The following CAPN10 variants were observed in gnomAD, a reference collection of about 807,000 sequenced individuals.
CAPN10 encodes calpain 10, also known as calpain-10.
In CAPN10, 71 loss-of-function variants were observed where a neutral mutation model predicts 78.4. That is an observed-to-expected ratio of 0.91 (90% confidence interval 0.75 to 1.10). CAPN10 has a LOEUF of 1.10. Ranked by LOEUF, CAPN10 falls within the 50% of genes least tolerant of loss-of-function variation. CAPN10 has a pLI of 0.00. For missense variants in CAPN10, 849 were observed against 924.6 expected (o/e 0.92, Z 1.06); for synonymous variants, 437 against 407.2 (o/e 1.07, Z -0.88).
intron 4 of CAPN10, 45 bp downstream of exon 4, chr2:240,592,195 C>G (rs1466743221): frequency 6.7e-7 from 1 of 1,495,940 alleles, no homozygotes; most frequent in Admixed American, 2.0e-5. Context: ...CAGCGTGCCC[C>G]CCACTGCCAG....
In CAPN10 at chr2:240,592,085, G is replaced by C; in HGVS notation, c.623G>C (p.Cys208Ser). The C allele has an allele frequency of 3.1e-6, 5 of 1,599,694 alleles. No individual in the cohort carries two copies. The highest frequency in any genetic ancestry group is 4.3e-6 in the Non-Finnish European group (5 of 1,174,708). ...DRPGRWEHRT[C>S]RQLLHLKDQC... ...CCAGGCCGCTGGGAGCACAGGACTTGTCGGCAGCTGCTCCACCTGAAGGAC... is the reference window on the plus strand; with the variant it reads ...CCAGGCCGCTGGGAGCACAGGACTTCTCGGCAGCTGCTCCACCTGAAGGAC... The change falls in exon 4 of 12, where the codon TGT (cysteine) becomes TCT (serine). Residue 208 changes from cysteine (C) to serine (S), a missense_variant. Transcript: ENST00000391984.
chr2:240,595,692 C>T (rs1485970781), intron 7 of CAPN10, among the ~76,000 whole-genome samples: 1 of 152,250 alleles, frequency 6.6e-6, no homozygotes. Flanking sequence ...TGCTGTGTGA[C>T]CTGGCACACA....
chr2:240,589,712 T>C lies in CAPN10; in HGVS notation c.273+238T>C, dbSNP rs2093089550. 1.3e-5 allele frequency: 7 copies of C among 548,570 alleles called. No individual in the cohort carries two copies. The East Asian group carries it at 2.2e-4, about 17-fold the overall frequency. The allele number at this position is 548,570 out of a possible 1,614,324, so 34.0% of individuals were successfully genotyped here. A position where few individuals can be genotyped will look rare whatever the true frequency, so the allele number is the denominator to read the frequency against. ...GCTCCATCAGGGAGGTTCGCCCTGC[T>C]CTGTGCTCTCCTGACCCCCGGACTC... On this transcript the variant is annotated intron_variant, in intron 2 of 11. Coordinates refer to ENST00000391984, the MANE Select transcript of CAPN10 (RefSeq NM_023083.4).
intron 4 of CAPN10, 44 bp from the exon 5 acceptor site, chr2:240,593,862 C>T (rs2093118416): frequency 1.3e-6 from 2 of 1,544,734 alleles, no homozygotes; most frequent in Admixed American, 1.8e-5. Flanking sequence ...GTTTGGGACT[C>T]CATGGTGCCC....
intron 6 of CAPN10, 48 bp downstream of exon 6, chr2:240,594,757 TGAG>T: frequency 6.3e-7 from 1 of 1,576,034 alleles, no homozygotes; most frequent in Non-Finnish European, 8.6e-7. Context: ...CCTGCCGAAG[TGAG>T]GAGGCTGGGC....
At position 240,594,652 on chromosome 2, in the gene CAPN10, G is replaced by C; in HGVS notation, c.940G>C (p.Glu314Gln). 6.2e-7 allele frequency: 1 copy of C among 1,613,884 alleles called. No individual in the cohort carries two copies. The highest frequency in any genetic ancestry group is 8.5e-7 in the Non-Finnish European group (1 of 1,179,980). The change falls in exon 6 of 12, where the codon GAG (glutamate) becomes CAG (glutamine). Residue 314 changes from glutamate to glutamine, a missense_variant. Glu to Gln is a conservative substitution (Grantham distance 29, BLOSUM62 2). Coordinates refer to ENST00000391984, the MANE Select transcript of CAPN10 (RefSeq NM_023083.4). ...GGAGGAGTTCCTCAGGGAGTTTGACGAGCTCACCGTTGGCTACCCGGTCAC... is the reference window on the plus strand; with the variant it reads ...GGAGGAGTTCCTCAGGGAGTTTGACCAGCTCACCGTTGGCTACCCGGTCAC... ...EEEEFLREFD[E>Q]LTVGYPVTEA...
Position 240,595,197 on chromosome 2 carries a change from G to T in CAPN10, c.1171G>T (p.Asp391Tyr), listed in dbSNP as rs1203044068. 1.9e-6 allele frequency: 3 copies of T among 1,613,806 alleles called. No homozygotes were observed. Among genetic ancestry groups the T allele is most frequent in the Non-Finnish European group, 2.5e-6 (3 of 1,180,034 alleles). The change falls in exon 7 of 12, where the codon GAC (aspartate) becomes TAC (tyrosine). Residue 391 changes from aspartate to tyrosine, a missense_variant. Asp to Tyr is a radical substitution (Grantham distance 160). Transcript: ENST00000391984. ...VLQRSRLHAA[D>Y]WAGRARALVG... ...GCAGAGATCCAGGCTGCACGCGGCG[G>T]ACTGGGCAGGCCGGGCCCGGGCACT...
intron 9 of CAPN10, 69 bp downstream of exon 9, chr2:240,597,011 C>T (rs2093141396): frequency 6.3e-7 from 1 of 1,587,008 alleles, no homozygotes; most frequent in African/African-American, 1.3e-5. Flanking sequence ...TCTTGGCCTC[C>T]ATTGTCCCAA....
intron 7 of CAPN10, chr2:240,596,101 G>T: frequency 1.3e-6 from 2 of 1,536,360 alleles, no homozygotes; most frequent in Non-Finnish European, 8.8e-7. Flanking sequence ...GGACTTGCAG[G>T]CTCGTGTCTG....
At position 240,595,043 on chromosome 2, in the gene CAPN10, G is replaced by T. The variant is rs144493305; in HGVS notation, c.1017G>T (p.Thr339=). ...SLYTERLLCH[T]RALPGAWVKG... ...CACTAGAGAGGCTGCTCTGCCATAC[G>T]CGGGCGCTGCCTGGGGCCTGGGTCA... Residue 339 remains threonine, a synonymous_variant, in exon 7 of 12, where the codon ACG becomes ACT. Coordinates refer to ENST00000391984, the MANE Select transcript of CAPN10 (RefSeq NM_023083.4). 6.4e-5 allele frequency: 104 copies of T among 1,613,044 alleles called. 4 individuals are homozygous for T. Among genetic ancestry groups the T allele is most frequent in the Admixed American group, 3.3e-5 (2 of 60,014 alleles).
intron 4 of CAPN10, among the ~76,000 whole-genome samples, chr2:240,593,674 T>C (rs966410553): frequency 2.6e-5 from 4 of 152,206 alleles, no homozygotes; most frequent in Admixed American, 2.0e-4. Context: ...CAGACCCGGA[T>C]GGCAGCCGAG....
In CAPN10 at chr2:240,599,001, C is replaced by G. The variant is rs1255489875; in HGVS notation, c.*321C>G. ...CTCTGCTGACTCCATATGGAGGCCTCACACCCAGAGGGTAGGGCAGCAGAT... is the reference window on the plus strand; with the variant it reads ...CTCTGCTGACTCCATATGGAGGCCTGACACCCAGAGGGTAGGGCAGCAGAT... On this transcript the variant is annotated 3_prime_UTR_variant, in exon 12 of 12. Coordinates refer to ENST00000391984, the MANE Select transcript of CAPN10 (RefSeq NM_023083.4). 1 of 478,494 alleles carries G rather than the reference C, an allele frequency of 2.1e-6. No homozygotes were observed. Among genetic ancestry groups the G allele is most frequent in the East Asian group, 3.1e-5 (1 of 31,954 alleles). 29.6% of individuals were successfully genotyped at this position (478,494 alleles called of 1,614,324 possible). A position where few individuals can be genotyped will look rare whatever the true frequency, so the allele number is the denominator to read the frequency against.
Position 240,586,970 on chromosome 2 carries a change from C to CCGCCGCGGACTCCT in CAPN10, c.63_76dup (p.Leu26ProfsTer45). Reference sequence around the variant, plus strand: ...GAGCTGTTCCGGGACGCCGCCTTCCCCGCCGCGGACTCCTCGCTCTTCTGC... The same window carrying CCGCCGCGGACTCCT: ...GAGCTGTTCCGGGACGCCGCCTTCCCCGCCGCGGACTCCTCGCCGCGGACTCCTCGCTCTTCTGC... On this transcript the variant is annotated frameshift_variant, in exon 1 of 12. Transcript: ENST00000391984. LOFTEE classifies it high-confidence loss of function. The CCGCCGCGGACTCCT allele has an allele frequency of 6.7e-7, 1 of 1,482,756 alleles. No homozygotes were observed. The highest frequency in any genetic ancestry group is 9.0e-7 in the Non-Finnish European group (1 of 1,116,394). The allele number at this position is 1,482,756 out of a possible 1,614,324, so 91.8% of individuals were successfully genotyped here.
chr2:240,595,396 CAT>C (rs758248750), intron 7 of CAPN10, 92 bp downstream of exon 7: 46 of 1,375,504 alleles, frequency 3.3e-5, no homozygotes, highest in South Asian at 1.4e-4. Flanking sequence ...TGCCGGGACA[CAT>C]GTGACTCTGC....
Position 240,589,429 on chromosome 2 carries a change from G to T in CAPN10, c.228G>T (p.Leu76=), listed in dbSNP as rs748435887. The change falls in exon 2 of 12, where the codon CTG becomes CTT. Residue 76 remains leucine (L), a synonymous_variant. Coordinates refer to ENST00000391984, the MANE Select transcript of CAPN10 (RefSeq NM_023083.4). The part of the protein sequence containing the change: ...KQGLLGDCWF[L]CACAALQKSR... ...GGCTGCTGGGGGATTGCTGGTTCCT[G>T]TGTGCCTGCGCCGCGCTGCAGAAGA... is the stretch of plus-strand genomic sequence containing the variant. The T allele has an allele frequency of 1.2e-6, 2 of 1,613,968 alleles. No homozygotes were observed. Among genetic ancestry groups the T allele is most frequent in the East Asian group, 4.5e-5 (2 of 44,888 alleles).
At chr2:240,591,178 A>T (rs2093099591) in intron 3 of CAPN10, 167 bp downstream of exon 3, 1 of 626,260 alleles carries the variant, frequency 1.6e-6, no homozygotes, top group Non-Finnish European at 2.7e-6. Context: ...AGGTGCAGAG[A>T]TTCTTCTTTT....
In CAPN10 at chr2:240,596,788, G is replaced by T. The variant is rs1355745708; in HGVS notation, c.1589G>T (p.Gly530Val). Residue 530 changes from glycine (G) to valine (V), a missense_variant, in exon 9 of 12, where the codon GGG becomes GTG. Coordinates refer to ENST00000391984, the MANE Select transcript of CAPN10 (RefSeq NM_023083.4). ...TCTTGGAGAGTCGGCCAGACGGCGGGGGGCAGCAGGAACTTTGCCTCATAC... is the reference window on the plus strand; with the variant it reads ...TCTTGGAGAGTCGGCCAGACGGCGGTGGGCAGCAGGAACTTTGCCTCATAC... The part of the protein sequence containing the change: ...RGSWRVGQTA[G>V]GSRNFASYPT... The T allele has an allele frequency of 1.2e-6, 2 of 1,612,734 alleles. No individual in the cohort carries two copies. Among genetic ancestry groups the T allele is most frequent in the Non-Finnish European group, 8.5e-7 (1 of 1,179,848 alleles).
chr2:240,594,738 C>T (rs201295924), intron 6 of CAPN10, 29 bp downstream of exon 6: 47 of 1,595,282 alleles, frequency 2.9e-5, no homozygotes, highest in Non-Finnish European at 3.4e-5. Context: ...GTGCTGGGCA[C>T]GTGCTCTGCC....
Position 240,592,113 on chromosome 2 carries a change from G to A in CAPN10, c.651G>A (p.Gln217=). ...GGCAGCTGCTCCACCTGAAGGACCAGTGTCTGATCAGCTGCTGCGTGCTCA... is the reference window on the plus strand; with the variant it reads ...GGCAGCTGCTCCACCTGAAGGACCAATGTCTGATCAGCTGCTGCGTGCTCA... ...TCRQLLHLKD[Q]CLISCCVLSP... is the part of the protein sequence containing the mutation. Residue 217 remains glutamine (Q), a synonymous_variant, in exon 4 of 12, where the codon CAG becomes CAA. Coordinates refer to ENST00000391984, the MANE Select transcript of CAPN10 (RefSeq NM_023083.4). The A allele has an allele frequency of 6.3e-7, 1 of 1,585,206 alleles. No homozygotes were observed. The highest frequency in any genetic ancestry group is 1.1e-5 in the South Asian group (1 of 87,126).
Sources: gnomAD v4.1 joint callset for allele counts (sites outside exome capture counted in the v4.1 genomes callset) on GRCh38, gnomAD v4.1.1 for gene constraint, MANE v1.5 for transcripts, NCBI Gene and HGNC (gene_info 2026-07-23, HGNC 2026-07-21) for gene names.